DCDC2: variants seen among roughly 807,000 people sequenced by gnomAD.
DCDC2 encodes doublecortin domain containing 2, also known as doublecortin domain-containing protein 2.
DCDC2 carries 40 observed loss-of-function variants against 50.2 expected under a neutral mutation model. The observed-to-expected ratio is 0.80, with a 90% CI of 0.62 to 1.04. The LOEUF is 1.04. Among genes scored for constraint, DCDC2 ranks in the 50% least tolerant of loss-of-function variants. The probability of loss-of-function intolerance (pLI) is 0.00; values close to 1 mark genes in which losing one functional copy is unlikely to be tolerated. For missense variants in DCDC2, 570 were observed against 581.9 expected (o/e 0.98, Z 0.21); for synonymous variants, 234 against 210.6 (o/e 1.11, Z -0.96).
chr6:24,292,301 CT>C (rs1198536802), intron 4 of DCDC2, among the ~76,000 whole-genome samples: 2 of 151,818 alleles, frequency 1.3e-5, no homozygotes, highest in African/African-American at 4.8e-5. Flanking sequence ...AGCTTTCTGT[CT>C]TCCTATATTA....
At chr6:24,232,582 A>G in intron 7 of DCDC2, among the ~76,000 whole-genome samples, 1 of 152,224 alleles carries the variant, frequency 6.6e-6, no homozygotes, top group Non-Finnish European at 1.5e-5. Flanking sequence ...TTGTTGAACA[A>G]TTTGCCCAAG....
chr6:24,299,977 A>G (rs1759336680), intron 4 of DCDC2, among the ~76,000 whole-genome samples: 1 of 152,236 alleles, frequency 6.6e-6, no homozygotes, highest in Middle Eastern at 3.4e-3. Context: ...AAATAATAAA[A>G]TAGAGGTATC....
intron 7 of DCDC2, among the ~76,000 whole-genome samples, chr6:24,253,107 TG>T (rs2113800212): frequency 6.6e-6 from 1 of 152,202 alleles, no homozygotes; most frequent in Non-Finnish European, 1.5e-5. Context: ...TAAAAATTGA[TG>T]CTCTATCCAT....
intron 8 of DCDC2, among the ~76,000 whole-genome samples, chr6:24,196,211 G>T (rs1289630816): frequency 2.5e-5 from 3 of 121,090 alleles, no homozygotes; most frequent in African/African-American, 5.7e-5. Context: ...TCCTTTCTGG[G>T]TTAATAATTG....
chr6:24,343,771 T>G (rs530886801), intron 2 of DCDC2, among the ~76,000 whole-genome samples: 1 of 152,218 alleles, frequency 6.6e-6, no homozygotes, highest in South Asian at 2.1e-4. Context: ...AGGATCTTAT[T>G]TTGGTCAGAA....
chr6:24,256,077 T>C (rs1762892143), intron 7 of DCDC2, among the ~76,000 whole-genome samples: 1 of 152,200 alleles, frequency 6.6e-6, no homozygotes, highest in South Asian at 2.1e-4. Context: ...ACTATTGTTA[T>C]GGTCAACAAA....
At chr6:24,347,063 G>A (rs369680922) in intron 2 of DCDC2, among the ~76,000 whole-genome samples, 1 of 152,182 alleles carries the variant, frequency 6.6e-6, no homozygotes, top group African/African-American at 2.4e-5. Context: ...AGGTTACAAT[G>A]AGTAGACTAA....
At chr6:24,191,966 A>G (rs746688381) in intron 8 of DCDC2, among the ~76,000 whole-genome samples, 1 of 152,122 alleles carries the variant, frequency 6.6e-6, no homozygotes, top group Non-Finnish European at 1.5e-5. Context: ...AAACCTAAAG[A>G]AGGCTTGGGG....
At chr6:24,207,597 G>T (rs886612257) in intron 7 of DCDC2, among the ~76,000 whole-genome samples, 3 of 152,110 alleles carry the variant, frequency 2.0e-5, no homozygotes, top group Admixed American at 1.3e-4. Context: ...TGAGGGTTTT[G>T]TATCCCATGG....
chr6:24,368,320 G>A, the DCDC2 span, among the ~76,000 whole-genome samples: 23 of 151,832 alleles, frequency 1.5e-4, no homozygotes, highest in Non-Finnish European at 2.6e-4. Flanking sequence ...TTATTGAAAG[G>A]TTCAAATATT....
At chr6:24,291,581 G>T (rs1251661997) in intron 4 of DCDC2, among the ~76,000 whole-genome samples, 1 of 139,782 alleles carries the variant, frequency 7.2e-6, no homozygotes, top group Non-Finnish European at 1.5e-5. Context: ...CGCCTCCCGG[G>T]TTCATGCCAT....
intron 2 of DCDC2, among the ~76,000 whole-genome samples, chr6:24,323,873 A>G (rs1759813731): frequency 6.6e-6 from 1 of 152,254 alleles, no homozygotes; most frequent in South Asian, 2.1e-4. Flanking sequence ...AGTTGAAAAG[A>G]ACAACAAAAA....
At chr6:24,234,947 T>C (rs1258649425) in intron 7 of DCDC2, among the ~76,000 whole-genome samples, 1 of 152,030 alleles carries the variant, frequency 6.6e-6, no homozygotes, top group Non-Finnish European at 1.5e-5. Context: ...AAATAAATAC[T>C]TAATAACAAA....
At chr6:24,267,284 A>G (rs1763142580) in intron 7 of DCDC2, among the ~76,000 whole-genome samples, 1 of 152,188 alleles carries the variant, frequency 6.6e-6, no homozygotes, top group East Asian at 1.9e-4. Context: ...TACATTATTA[A>G]ATAACTAAAA....
At chr6:24,322,398 T>C (rs577876409) in intron 2 of DCDC2, among the ~76,000 whole-genome samples, 1 of 152,134 alleles carries the variant, frequency 6.6e-6, no homozygotes, top group African/African-American at 2.4e-5. Flanking sequence ...CCCTAAAATA[T>C]ATTTCCTTGC....
Position 24,172,623 on chromosome 6 carries a change from A to G in DCDC2, c.*2107T>C, listed in dbSNP as rs1199653001. 1.3e-5 allele frequency: 2 copies of G among 150,714 alleles called. No homozygotes were observed. Among genetic ancestry groups the G allele is most frequent in the African/African-American group, 5.0e-5 (2 of 39,998 alleles). The allele number at this position is 150,714 out of a possible 1,614,324, so 9.3% of individuals were successfully genotyped here. On this transcript the variant is annotated 3_prime_UTR_variant, in exon 10 of 10. Transcript: ENST00000378454. ...TTGATAATTAGTTATAATTTCTTAC[A>G]TTTAATCAGTTATTTTTAGAAACTA... is the stretch of plus-strand genomic sequence containing the variant.
chr6:24,337,797 C>A (rs372973551), intron 2 of DCDC2, among the ~76,000 whole-genome samples: 1,214 of 126,350 alleles, frequency 9.6e-3, no homozygotes, highest in Admixed American at 0.012. Context: ...GACTCCGTCT[C>A]AAAAAAAAAA....
At chr6:24,381,803 A>AAAGGAGGG in the DCDC2 span, among the ~76,000 whole-genome samples, 1 of 67,262 alleles carries the variant, frequency 1.5e-5, no homozygotes, top group East Asian at 5.1e-4. Flanking sequence ...GGAAGGAAAG[A>AAAGGAGGG]AAGGAAGGAA....
intron 8 of DCDC2, among the ~76,000 whole-genome samples, chr6:24,187,414 C>T (rs1277703948): frequency 6.6e-6 from 1 of 152,130 alleles, no homozygotes; most frequent in African/African-American, 2.4e-5. Context: ...TCCAGAAAGC[C>T]TTCCTGCTCC....
Sources: allele counts gnomAD v4.1 joint callset (sites outside exome capture counted in the v4.1 genomes callset), GRCh38; gene constraint gnomAD v4.1.1; transcripts MANE v1.5; gene names NCBI Gene and HGNC (gene_info 2026-07-23, HGNC 2026-07-21).